The following FARS2 variants were observed in gnomAD, a reference collection of about 807,000 sequenced individuals.
FARS2 encodes phenylalanine--tRNA ligase, mitochondrial.
Under a neutral mutation model 46.4 loss-of-function variants are expected in FARS2, and 40 were observed. That is an observed-to-expected ratio of 0.86 (90% CI 0.67 to 1.12). The LOEUF (loss-of-function observed/expected upper bound fraction) is 1.12, where lower values mean the gene tolerates loss of function less well. Ranked by LOEUF, FARS2 falls within the 50% of genes most tolerant of loss-of-function variation. The pLI, the probability that FARS2 is intolerant of heterozygous loss-of-function variation, is 0.00. For missense variants in FARS2, 513 were observed against 567.9 expected (o/e 0.90, Z 0.98); for synonymous variants, 234 against 214.9 (o/e 1.09, Z -0.78).
chr6:5,645,907 G>A (rs1343855928), intron 6 of FARS2, among the ~76,000 whole-genome samples: 1 of 152,152 alleles, frequency 6.6e-6, no homozygotes, highest in Non-Finnish European at 1.5e-5. Context: ...GTGGCAATTG[G>A]TTGTCTCACA....
At chr6:5,295,710 CTT>C (rs1488132503) in intron 1 of FARS2, among the ~76,000 whole-genome samples, 1 of 152,186 alleles carries the variant, frequency 6.6e-6, no homozygotes, top group East Asian at 1.9e-4. Flanking sequence ...AATGGGTTGT[CTT>C]AGCTTTATAT....
intron 2 of FARS2, among the ~76,000 whole-genome samples, chr6:5,380,508 T>C (rs1759685860): frequency 6.6e-6 from 1 of 152,200 alleles, no homozygotes. Flanking sequence ...ATGCTACTTG[T>C]AGGGATGGAG....
chr6:5,301,691 G>A (rs902664220), intron 1 of FARS2, among the ~76,000 whole-genome samples: 5 of 152,096 alleles, frequency 3.3e-5, no homozygotes, highest in Non-Finnish European at 5.9e-5. Context: ...AGGGTGGGTT[G>A]CGGAGTGGCA....
chr6:5,360,918 G>C (rs1758255755), intron 1 of FARS2, among the ~76,000 whole-genome samples: 2 of 152,286 alleles, frequency 1.3e-5, no homozygotes, highest in African/African-American at 4.8e-5. Flanking sequence ...GCTAGAGAAT[G>C]CTTATATTAC....
intron 3 of FARS2, among the ~76,000 whole-genome samples, chr6:5,410,478 G>A (rs982274483): frequency 3.9e-5 from 6 of 152,032 alleles, no homozygotes; most frequent in Admixed American, 3.3e-4. Context: ...TTCTATTTCA[G>A]GCATTTCAGA....
chr6:5,334,098 G>C (rs889885481), intron 1 of FARS2, among the ~76,000 whole-genome samples: 8 of 152,232 alleles, frequency 5.3e-5, no homozygotes, highest in Non-Finnish European at 8.8e-5. Context: ...GGTCAGGGAT[G>C]ATGATGATTT....
At position 5,759,674 on chromosome 6, in the gene FARS2, C is replaced by T. The variant is rs373144532; in HGVS notation, c.1218-11617C>T. On this transcript the variant is annotated intron_variant, in intron 6 of 6. Coordinates refer to ENST00000274680, the MANE Select transcript of FARS2 (RefSeq NM_006567.5). ...TGTCATGCTGTTTTGCTGCCAAAAA[C>T]GGGTAGAGGAGTTTGAAGGGCTATC... is the stretch of plus-strand genomic sequence containing the variant. Among the ~76,000 whole-genome samples, 42 of 152,158 alleles carry T rather than the reference C, an allele frequency of 2.8e-4. No individual in the cohort carries two copies. The East Asian group carries it at 5.0e-3, about 18-fold the overall frequency.
intron 4 of FARS2, among the ~76,000 whole-genome samples, chr6:5,455,080 C>T (rs190225985): frequency 5.5e-4 from 84 of 152,324 alleles, no homozygotes; most frequent in African/African-American, 1.9e-3. Flanking sequence ...GCATCTAGCA[C>T]GATACCTGGC....
intron 6 of FARS2, among the ~76,000 whole-genome samples, chr6:5,747,849 T>G (rs1420065452): frequency 6.6e-6 from 1 of 152,240 alleles, no homozygotes; most frequent in Non-Finnish European, 1.5e-5. Flanking sequence ...CAACCCATTT[T>G]TTATACACCC....
intron 3 of FARS2, among the ~76,000 whole-genome samples, chr6:5,415,879 T>C (rs1032922205): frequency 6.6e-6 from 1 of 152,104 alleles, no homozygotes; most frequent in South Asian, 2.1e-4. Context: ...TTAATTTTGT[T>C]TATATTTTGT....
chr6:5,261,031 C>T (rs1765074089), upstream of FARS2: 2 of 915,176 alleles, frequency 2.2e-6, no homozygotes, highest in African/African-American at 1.8e-5. Flanking sequence ...GCTCGGGACC[C>T]AGCAGCCGCT....
chr6:5,303,490 C>A (rs1768469595), intron 1 of FARS2, among the ~76,000 whole-genome samples: 1 of 152,028 alleles, frequency 6.6e-6, no homozygotes, highest in Admixed American at 6.5e-5. Flanking sequence ...ACCTTTACCT[C>A]CTGTGTCTTC....
At chr6:5,696,673 G>T (rs1385178884) in intron 6 of FARS2, among the ~76,000 whole-genome samples, 1 of 152,138 alleles carries the variant, frequency 6.6e-6, no homozygotes, top group African/African-American at 2.4e-5. Context: ...AGATAGAAAG[G>T]AAATCATTAA....
rs143867485 is a variant in FARS2, at chr6:5,584,108, GACACACAC to G, written c.1066-29034_1066-29027del. Among the ~76,000 whole-genome samples the G allele has an allele frequency of 2.6e-3, 314 of 122,942 alleles. 11 individuals carry two copies. In the East Asian group the frequency reaches 0.071, roughly 28 times the overall value. 80.7% of individuals were successfully genotyped at this position (122,942 alleles called of 152,430 possible). A position where few individuals can be genotyped will look rare whatever the true frequency, so the allele number is the denominator to read the frequency against. On this transcript the variant is annotated intron_variant, in intron 5 of 6. Transcript: ENST00000274680. ...ACATTCTCTCTCTCTTTCTCTCTCT[GACACACAC>G]ACACACACACACACACACACACACA... is the stretch of plus-strand genomic sequence containing the variant.
At chr6:5,644,309 C>T (rs1481626469) in intron 6 of FARS2, among the ~76,000 whole-genome samples, 1 of 152,094 alleles carries the variant, frequency 6.6e-6, no homozygotes, top group Non-Finnish European at 1.5e-5. Context: ...GCTCCCTGGG[C>T]TCAAGTCATC....
chr6:5,337,659 GC>G (rs1771256428), intron 1 of FARS2, among the ~76,000 whole-genome samples: 1 of 152,114 alleles, frequency 6.6e-6, no homozygotes, highest in South Asian at 2.1e-4. Context: ...CCTTCACCAA[GC>G]TTTTATTTGT....
At chr6:5,396,363 G>T (rs11243010) in intron 2 of FARS2, among the ~76,000 whole-genome samples, 30,625 of 152,090 alleles carry the variant, frequency 0.2, 3,742 homozygotes, top group Middle Eastern at 0.27. Context: ...TCCCTTCAGA[G>T]ATTTGTTTTT....
At chr6:5,466,559 G>A in intron 4 of FARS2, 1 of 985,324 alleles carries the variant, frequency 1.0e-6, no homozygotes, top group East Asian at 1.1e-4. Context: ...TATTCCCTAG[G>A]CTTGTTTCAG....
chr6:5,424,477 A>G (rs1194738609), intron 3 of FARS2, among the ~76,000 whole-genome samples: 3 of 152,214 alleles, frequency 2.0e-5, no homozygotes, highest in Admixed American at 2.0e-4. Flanking sequence ...GGCGTGCTCT[A>G]TGCATTCATG....
Sources: allele counts gnomAD v4.1 joint callset (sites outside exome capture counted in the v4.1 genomes callset), GRCh38; gene constraint gnomAD v4.1.1; transcripts MANE v1.5; gene names NCBI Gene and HGNC (gene_info 2026-07-23, HGNC 2026-07-21).